ITGB1: variants seen among roughly 807,000 people sequenced by gnomAD.
ITGB1 encodes the protein integrin beta-1.
ITGB1 carries 24 observed loss-of-function variants against 86.5 expected under a neutral mutation model. That is an observed-to-expected ratio of 0.28 (90% CI 0.20 to 0.39). The LOEUF (loss-of-function observed/expected upper bound fraction) is 0.39. Ranked by LOEUF, ITGB1 falls within the 10% of genes least tolerant of loss-of-function variation. ITGB1 has a pLI of 1.00. For synonymous variants in ITGB1, 323 were observed against 316.8 expected (o/e 1.02, Z -0.21); for missense variants, 556 against 946.9 (o/e 0.59, Z 5.42).
intron 1 of ITGB1, among the ~76,000 whole-genome samples, chr10:32,941,517 C>G (rs1271131126): frequency 2.0e-5 from 3 of 152,114 alleles, no homozygotes; most frequent in African/African-American, 7.2e-5. Context: ...GGAAGAGCTA[C>G]GTTACAGAGA....
Position 32,925,924 on chromosome 10 carries a change from A to G in ITGB1, c.733T>C (p.Leu245=), listed in dbSNP as rs773864258. ...TCGAAACCACCTTCTGGAGAATCCA[A>G]ATTTCCAGATATGCGCTGTTTTCCA... The part of the protein sequence containing the change: ...LVGKQRISGN[L]DSPEGGFDAI... Residue 245 remains leucine (L), a synonymous_variant, in exon 6 of 16, where the codon TTG becomes CTG. Coordinates refer to ENST00000302278, the MANE Select transcript of ITGB1 (RefSeq NM_002211.4). 3 of 1,614,180 alleles carry G rather than the reference A, an allele frequency of 1.9e-6. No homozygotes were observed. In the Admixed American group the frequency reaches 5.0e-5, roughly 27 times the overall value.
chr10:32,940,546 T>C lies in ITGB1; in HGVS notation c.1-4988A>G, dbSNP rs367818687. On this transcript the variant is annotated intron_variant, in intron 1 of 15. Transcript: ENST00000302278. ...TGACACTACATTACTAGGCAACAGGTGTTTTTCAGCTCCGTTATAATCTTA... is the reference window on the plus strand; with the variant it reads ...TGACACTACATTACTAGGCAACAGGCGTTTTTCAGCTCCGTTATAATCTTA... Among the ~76,000 whole-genome samples the C allele has an allele frequency of 2.0e-3, 301 of 152,262 alleles. 2 individuals carry two copies. Among genetic ancestry groups the C allele is most frequent in the African/African-American group, 5.6e-3 (233 of 41,546 alleles).
chr10:32,930,890 T>C (rs942809156), intron 3 of ITGB1, among the ~76,000 whole-genome samples: 1 of 152,136 alleles, frequency 6.6e-6, no homozygotes, highest in East Asian at 1.9e-4. Flanking sequence ...TCAAAAACAC[T>C]GCTGTTAAAG....
intron 11 of ITGB1, among the ~76,000 whole-genome samples, chr10:32,917,936 A>G (rs1436231927): frequency 6.6e-6 from 1 of 152,252 alleles, no homozygotes; most frequent in East Asian, 1.9e-4. Context: ...AAAGACTTGG[A>G]ACCAACCCAA....
chr10:32,916,713 C>T (rs1017188405), intron 11 of ITGB1, among the ~76,000 whole-genome samples: 6 of 152,206 alleles, frequency 3.9e-5, no homozygotes, highest in Non-Finnish European at 4.4e-5. Context: ...AATGGAAGAA[C>T]ATTCCATGCT....
chr10:32,954,316 C>T (rs2095048350), intron 1 of ITGB1, among the ~76,000 whole-genome samples: 1 of 152,066 alleles, frequency 6.6e-6, no homozygotes, highest in South Asian at 2.1e-4. Context: ...ACAGCACCTC[C>T]TAGCCAGAAA....
intron 15 of ITGB1, among the ~76,000 whole-genome samples, chr10:32,906,731 A>C (rs1207724963): frequency 6.6e-6 from 1 of 152,146 alleles, no homozygotes; most frequent in African/African-American, 2.4e-5. Flanking sequence ...ACCCCATACA[A>C]AACAGAGTAC....
intron 6 of ITGB1, among the ~76,000 whole-genome samples, chr10:32,925,276 G>C (rs1236744878): frequency 6.6e-6 from 1 of 152,060 alleles, no homozygotes; most frequent in African/African-American, 2.4e-5. Context: ...AATAGGGATG[G>C]GCTTGCTACT....
intron 15 of ITGB1, chr10:32,907,062 C>T (rs202061681): frequency 1.6e-5 from 22 of 1,345,096 alleles, no homozygotes; most frequent in Non-Finnish European, 2.0e-5. Context: ...AAAATACGAA[C>T]GGCAATTTAG....
chr10:32,958,092 G>A (rs1049849778), intron 1 of ITGB1, 53 bp downstream of exon 1: 1 of 150,862 alleles, frequency 6.6e-6, no homozygotes, highest in Non-Finnish European at 1.5e-5. Context: ...CCGCGCACAG[G>A]AGACCGGAGG....
chr10:32,928,603 G>A (rs900823820), intron 4 of ITGB1, among the ~76,000 whole-genome samples: 4 of 152,118 alleles, frequency 2.6e-5, no homozygotes, highest in African/African-American at 9.7e-5. Flanking sequence ...ACGTGATAGG[G>A]TACAACTGAC....
In ITGB1 at chr10:32,927,864, T is replaced by TG. The variant is rs144736494; in HGVS notation, c.547+229dup. 4.7e-3 allele frequency among the ~76,000 whole-genome samples: 721 copies of TG among 152,268 alleles called. 10 individuals carry two copies. The highest frequency in any genetic ancestry group is 0.017 in the African/African-American group (699 of 41,556). ...AAATAAGCATGCAAGTCATTATCTA[T>TG]GAGGTACAATCTGTGTCAAACAGTA... On this transcript the variant is annotated intron_variant, in intron 5 of 15. Coordinates refer to ENST00000302278, the MANE Select transcript of ITGB1 (RefSeq NM_002211.4).
intron 1 of ITGB1, 136 bp from the exon 2 acceptor site, chr10:32,935,694 C>T (rs745949660): frequency 4.6e-6 from 3 of 648,926 alleles, no homozygotes; most frequent in Non-Finnish European, 8.0e-6. Flanking sequence ...ACTCCAGCCC[C>T]TCTCCACAGA....
chr10:32,958,039 C>G (rs576936418), intron 1 of ITGB1, 106 bp downstream of exon 1: 6 of 150,748 alleles, frequency 4.0e-5, no homozygotes, highest in African/African-American at 1.2e-4. Context: ...CCACGCCCGG[C>G]ACAAAGGTCC....
At position 32,935,370 on chromosome 10, in the gene ITGB1, T is replaced by C. The variant is rs112647057; in HGVS notation, c.67+122A>G. The C allele has an allele frequency of 1.1e-3, 681 of 636,922 alleles. 10 individuals are homozygous for C. Among genetic ancestry groups the C allele is most frequent in the East Asian group, 0.01 (366 of 35,576 alleles). The allele number at this position is 636,922 out of a possible 1,614,324, so 39.5% of individuals were successfully genotyped here. On this transcript the variant is annotated intron_variant, in intron 2 of 15. Transcript: ENST00000302278. ...ACCTTTCTCTGAGTAAGAGGAACAA[T>C]TGCAGGGCTTCCAGAAGGAGCAGCA...
intron 15 of ITGB1, among the ~76,000 whole-genome samples, chr10:32,906,193 A>G (rs2094895947): frequency 6.6e-6 from 1 of 152,230 alleles, no homozygotes; most frequent in African/African-American, 2.4e-5. Context: ...TGCATACCAT[A>G]CAAATATCAT....
chr10:32,940,884 G>A (rs1463274950), intron 1 of ITGB1, among the ~76,000 whole-genome samples: 1 of 152,186 alleles, frequency 6.6e-6, no homozygotes, highest in African/African-American at 2.4e-5. Flanking sequence ...GTTTCCCCCT[G>A]CCTTTCTGGA....
At chr10:32,948,403 T>C (rs893616081) in intron 1 of ITGB1, among the ~76,000 whole-genome samples, 11 of 152,148 alleles carry the variant, frequency 7.2e-5, no homozygotes, top group African/African-American at 1.4e-4. Flanking sequence ...ACAAATGCTC[T>C]GAACACTGAT....
At position 32,915,524 on chromosome 10, in the gene ITGB1, T is replaced by C. The variant is rs373074587; in HGVS notation, c.1470-3400A>G. Among the ~76,000 whole-genome samples the C allele has an allele frequency of 5.3e-5, 8 of 152,266 alleles. No homozygotes were observed. The East Asian group carries it at 1.5e-3, about 29-fold the overall frequency. On this transcript the variant is annotated intron_variant, in intron 11 of 15. Coordinates refer to ENST00000302278, the MANE Select transcript of ITGB1 (RefSeq NM_002211.4). ...AGAAATACAAACTACCATCAGAGAA[T>C]ACTATAAACACCACTATGCAAATTA...
Sources: allele counts gnomAD v4.1 joint callset (sites outside exome capture counted in the v4.1 genomes callset), GRCh38; gene constraint gnomAD v4.1.1; transcripts MANE v1.5; gene names NCBI Gene and HGNC (gene_info 2026-07-23, HGNC 2026-07-21).